Variants in AGPAT4 observed in about 807,000 individuals in gnomAD.
AGPAT4 encodes the protein 1-acyl-sn-glycerol-3-phosphate acyltransferase delta.
In AGPAT4, 15 loss-of-function variants were observed where a neutral mutation model predicts 48.0. The observed-to-expected ratio is 0.31, with a 90% CI of 0.21 to 0.48. AGPAT4 has a LOEUF of 0.48. Ranked by LOEUF, AGPAT4 falls within the 20% of genes least tolerant of loss-of-function variation. The pLI, the probability that AGPAT4 is intolerant of heterozygous loss-of-function variation, is 0.99. For synonymous variants in AGPAT4, 178 were observed against 198.7 expected, an observed-to-expected ratio of 0.90 and a Z score of 0.88; for missense variants, 314 against 482.5, an observed-to-expected ratio of 0.65 and a Z score of 3.27.
chr6:161,172,259 C>A (rs774684041), intron 2 of AGPAT4, among the ~76,000 whole-genome samples: 29 of 152,230 alleles, frequency 1.9e-4, no homozygotes, highest in Non-Finnish European at 3.7e-4. Flanking sequence ...AGGACATGGT[C>A]AGCGGAGATC....
intron 3 of AGPAT4, chr6:161,160,985 G>A: frequency 2.2e-6 from 1 of 456,624 alleles, no homozygotes; most frequent in Non-Finnish European, 4.4e-6. Context: ...GGAAGCACAG[G>A]CAGATGGGGC....
chr6:161,248,548 T>C (rs1229123475), intron 1 of AGPAT4, among the ~76,000 whole-genome samples: 1 of 123,870 alleles, frequency 8.1e-6, no homozygotes, highest in Non-Finnish European at 1.6e-5. Context: ...CACTCCAGCC[T>C]GGGTGACAGC....
At position 161,270,612 on chromosome 6, in the gene AGPAT4, T is replaced by C. The variant is rs767940432; in HGVS notation, c.-90+3326A>G. ...AGTGAAATTCTATCTCTACTAAAAA[T>C]ACAAAAAAATAAAAAATAAATTAGC... On this transcript the variant is annotated intron_variant, in intron 1 of 8. Coordinates refer to ENST00000320285, the MANE Select transcript of AGPAT4 (RefSeq NM_020133.3). The surrounding 1 kb of genome is among the most constrained non-coding windows in gnomAD (Gnocchi z 5.3). Among the ~76,000 whole-genome samples the C allele has an allele frequency of 8.6e-5, 13 of 151,780 alleles. 1 individual carries two copies. Among genetic ancestry groups the C allele is most frequent in the African/African-American group, 1.5e-4 (6 of 41,294 alleles).
At chr6:161,211,447 A>G (rs1781519925) in intron 2 of AGPAT4, among the ~76,000 whole-genome samples, 1 of 152,170 alleles carries the variant, frequency 6.6e-6, no homozygotes. Context: ...TTATAAAAAT[A>G]CAGAGGTTTC....
intron 5 of AGPAT4, among the ~76,000 whole-genome samples, chr6:161,151,741 G>GAAAC (rs1779597209): frequency 6.6e-6 from 1 of 152,244 alleles, no homozygotes; most frequent in African/African-American, 2.4e-5. Context: ...CTGGTCAGCA[G>GAAAC]AGGAAACAGG....
chr6:161,197,859 C>A lies in AGPAT4; in HGVS notation c.179-31442G>T, dbSNP rs757597959. 2.0e-5 allele frequency among the ~76,000 whole-genome samples: 3 copies of A among 152,342 alleles called. No homozygotes were observed. Among genetic ancestry groups the A allele is most frequent in the Non-Finnish European group, 2.9e-5 (2 of 68,032 alleles). ...AAATGTCATCATCAATAAATACCCA[C>A]TGCTGATTGATTGAAATGTGGTCTT... On this transcript the variant is annotated intron_variant, in intron 2 of 8. Coordinates refer to ENST00000320285, the MANE Select transcript of AGPAT4 (RefSeq NM_020133.3). This position sits in a 1 kb window ranked among gnomAD's most constrained non-coding sequence, Gnocchi z 5.7.
rs532033358 is a variant in AGPAT4, at chr6:161,155,125, C to T, written c.349-815G>A. Among the ~76,000 whole-genome samples the T allele has an allele frequency of 2.8e-4, 43 of 152,296 alleles. No individual in the cohort carries two copies. Among genetic ancestry groups the T allele is most frequent in the African/African-American group, 7.9e-4 (33 of 41,578 alleles). On this transcript the variant is annotated intron_variant, in intron 3 of 8. Coordinates refer to ENST00000320285, the MANE Select transcript of AGPAT4 (RefSeq NM_020133.3). This position sits in a 1 kb window ranked among gnomAD's most constrained non-coding sequence, Gnocchi z 5.8. ...GCACGAGCTAGGCCCCACAGGTCCCCTCTGGGGAGTCTCAGGGCAGTCCTG... is the reference window on the plus strand; with the variant it reads ...GCACGAGCTAGGCCCCACAGGTCCCTTCTGGGGAGTCTCAGGGCAGTCCTG...
intron 5 of AGPAT4, among the ~76,000 whole-genome samples, chr6:161,150,044 T>G (rs960520107): frequency 6.6e-6 from 1 of 152,206 alleles, no homozygotes; most frequent in Non-Finnish European, 1.5e-5. Flanking sequence ...GAGCATTATT[T>G]TCCCCTAGAA....
chr6:161,218,068 T>C lies in AGPAT4; in HGVS notation c.178+13968A>G, dbSNP rs1378713769. 1.3e-5 allele frequency among the ~76,000 whole-genome samples: 2 copies of C among 152,248 alleles called. No homozygotes were observed. Among genetic ancestry groups the C allele is most frequent in the African/African-American group, 4.8e-5 (2 of 41,470 alleles). ...AATGCCCTGTGATGGCTGGTGTCTG[T>C]GTCTGATGAGTTGGTGCCTTGTTCT... On this transcript the variant is annotated intron_variant, in intron 2 of 8. Coordinates refer to ENST00000320285, the MANE Select transcript of AGPAT4 (RefSeq NM_020133.3). This position sits in a 1 kb window ranked among gnomAD's most constrained non-coding sequence, Gnocchi z 4.7.
At chr6:161,265,765 C>T (rs548135614) in intron 1 of AGPAT4, among the ~76,000 whole-genome samples, 1 of 152,244 alleles carries the variant, frequency 6.6e-6, no homozygotes, top group Non-Finnish European at 1.5e-5. Context: ...ATCAGGCCAC[C>T]GAGCCTGGCC....
At position 161,208,999 on chromosome 6, in the gene AGPAT4, C is replaced by T. The variant is rs541293837; in HGVS notation, c.178+23037G>A. The stretch of plus-strand genomic sequence containing the variant: ...TTGTGTTAATTACTGGGGAAGAAAA[C>T]GCACATCGAACAGGAAAGGCTGACT... On this transcript the variant is annotated intron_variant, in intron 2 of 8. Coordinates refer to ENST00000320285, the MANE Select transcript of AGPAT4 (RefSeq NM_020133.3). The surrounding 1 kb of genome is among the most constrained non-coding windows in gnomAD (Gnocchi z 4.6). 4.6e-5 allele frequency among the ~76,000 whole-genome samples: 7 copies of T among 152,188 alleles called. No individual in the cohort carries two copies. Among genetic ancestry groups the T allele is most frequent in the East Asian group, 3.9e-4 (2 of 5,184 alleles).
Position 161,164,752 on chromosome 6 carries a change from G to A in AGPAT4, c.348+1496C>T, listed in dbSNP as rs929608015. Reference sequence around the variant, plus strand: ...AGCTCGTGGGTGTAATGCCACCAAGGGGCAAGCAGGGATTGGAAGGCACCC... The same window carrying A: ...AGCTCGTGGGTGTAATGCCACCAAGAGGCAAGCAGGGATTGGAAGGCACCC... On this transcript the variant is annotated intron_variant, in intron 3 of 8. Transcript: ENST00000320285. The surrounding 1 kb of genome is among the most constrained non-coding windows in gnomAD (Gnocchi z 7.4). Among the ~76,000 whole-genome samples, 2 of 152,128 alleles carry A rather than the reference G, an allele frequency of 1.3e-5. No individual in the cohort carries two copies. Among genetic ancestry groups the A allele is most frequent in the South Asian group, 2.1e-4 (1 of 4,822 alleles).
chr6:161,266,826 C>T lies in AGPAT4; in HGVS notation c.-90+7112G>A, dbSNP rs561350005. ...TAGTTCTTTAAAATTTCATCCGCCT[C>T]GGTTAACCTCTACCCACAGAAGACT... On this transcript the variant is annotated intron_variant, in intron 1 of 8. Transcript: ENST00000320285. This position sits in a 1 kb window ranked among gnomAD's most constrained non-coding sequence, Gnocchi z 6.2. Among the ~76,000 whole-genome samples the T allele has an allele frequency of 1.4e-4, 21 of 152,300 alleles. No homozygotes were observed. In the South Asian group the frequency reaches 3.5e-3, roughly 26 times the overall value.
chr6:161,160,634 C>A, intron 3 of AGPAT4: 1 of 236,692 alleles, frequency 4.2e-6, no homozygotes, highest in Non-Finnish European at 8.5e-6. Context: ...GAGGACCGTG[C>A]AGGCTTGAAG....
rs1309116688 is a variant in AGPAT4 at position 161,144,317 on chromosome 6, G to A, written c.843+2207C>T. 3 of 434,008 alleles carry A rather than the reference G, an allele frequency of 6.9e-6. No homozygotes were observed. Among genetic ancestry groups the A allele is most frequent in the Non-Finnish European group, 4.8e-6 (1 of 209,884 alleles). 26.9% of individuals were successfully genotyped at this position (434,008 alleles called of 1,614,324 possible). A position where few individuals can be genotyped will look rare whatever the true frequency, so the allele number is the denominator to read the frequency against. On this transcript the variant is annotated intron_variant, in intron 7 of 8. Coordinates refer to ENST00000320285, the MANE Select transcript of AGPAT4 (RefSeq NM_020133.3). The surrounding 1 kb of genome is among the most constrained non-coding windows in gnomAD (Gnocchi z 6.6). ...ACTCCAGCACCTGGCTTTGATCAGT[G>A]AGCTGGAAAACTGGGTAAATCACTT... is the stretch of plus-strand genomic sequence containing the variant.
In AGPAT4 at chr6:161,178,365, T is replaced by G. The variant is rs973153573; in HGVS notation, c.179-11948A>C. Among the ~76,000 whole-genome samples the G allele has an allele frequency of 1.1e-4, 17 of 152,258 alleles. No individual in the cohort carries two copies. Among genetic ancestry groups the G allele is most frequent in the Admixed American group, 6.5e-4 (10 of 15,290 alleles). ...CCCCTCCCCGAACCTCGCTGCCGCC[T>G]TGCAGTTCGATCAGACTTCTGTGCT... On this transcript the variant is annotated intron_variant, in intron 2 of 8. Coordinates refer to ENST00000320285, the MANE Select transcript of AGPAT4 (RefSeq NM_020133.3). The surrounding 1 kb of genome is among the most constrained non-coding windows in gnomAD (Gnocchi z 5.1).
rs1015946390 is a variant in AGPAT4, at chr6:161,164,066, C to T, written c.348+2182G>A. ...GTCCCTATGCTGCAGGTGGGATGGG[C>T]GTGCTGTTGACTTGCTTTCCCGCCA... On this transcript the variant is annotated intron_variant, in intron 3 of 8. Coordinates refer to ENST00000320285, the MANE Select transcript of AGPAT4 (RefSeq NM_020133.3). The surrounding 1 kb of genome is among the most constrained non-coding windows in gnomAD (Gnocchi z 7.4). Among the ~76,000 whole-genome samples, 7 of 152,158 alleles carry T rather than the reference C, an allele frequency of 4.6e-5. No homozygotes were observed. Among genetic ancestry groups the T allele is most frequent in the African/African-American group, 7.2e-5 (3 of 41,440 alleles).
Position 161,212,272 on chromosome 6 carries a change from C to G in AGPAT4, c.178+19764G>C, listed in dbSNP as rs1274129331. On this transcript the variant is annotated intron_variant, in intron 2 of 8. Transcript: ENST00000320285. This position sits in a 1 kb window ranked among gnomAD's most constrained non-coding sequence, Gnocchi z 6.1. Reference sequence around the variant, plus strand: ...GGGCTTATTGTTTGGAACATTAAGTCTCCTCTCTCAAAGAATGAAGATGTT... The same window carrying G: ...GGGCTTATTGTTTGGAACATTAAGTGTCCTCTCTCAAAGAATGAAGATGTT... 6.6e-6 allele frequency among the ~76,000 whole-genome samples: 1 copy of G among 152,154 alleles called. No homozygotes were observed. Among genetic ancestry groups the G allele is most frequent in the East Asian group, 1.9e-4 (1 of 5,190 alleles).
intron 3 of AGPAT4, chr6:161,160,893 A>T (rs1349819614): frequency 4.8e-6 from 2 of 413,928 alleles, no homozygotes; most frequent in Non-Finnish European, 9.8e-6. Flanking sequence ...GGACGTCCCC[A>T]GGGCAGAAAG....
Sources: gnomAD v4.1 joint callset for allele counts (sites outside exome capture counted in the v4.1 genomes callset) on GRCh38, gnomAD v4.1.1 for gene constraint, Gnocchi (gnomAD v3.1) non-coding constraint, MANE v1.5 for transcripts, NCBI Gene and HGNC (gene_info 2026-07-23, HGNC 2026-07-21) for gene names.